SAMMSON: variants seen among roughly 807,000 people sequenced by gnomAD.
The protein encoded by SAMMSON is long intergenic non-protein coding RNA 1212.
At chr3:70,034,700 T>C (rs1258850562) in intron 3 of SAMMSON, among the ~76,000 whole-genome samples, 3 of 152,004 alleles carry the variant, frequency 2.0e-5, no homozygotes, top group Non-Finnish European at 2.9e-5. Flanking sequence ...AAAAATTAGC[T>C]GGGCATGGTA....
intron 7 of SAMMSON, among the ~76,000 whole-genome samples, chr3:70,306,229 G>A (rs765779582): frequency 9.2e-5 from 14 of 152,028 alleles, no homozygotes; most frequent in Admixed American, 7.2e-4. Context: ...TCAGACTCCC[G>A]AGTAGCTGGG....
intron 4 of SAMMSON, among the ~76,000 whole-genome samples, chr3:70,127,463 C>T: frequency 6.6e-6 from 1 of 152,140 alleles, no homozygotes; most frequent in Non-Finnish European, 1.5e-5. Flanking sequence ...AAACTCTAGG[C>T]AGACCAGGGA....
At chr3:70,401,295 T>C (rs1701138560) in intron 2 of SAMMSON, among the ~76,000 whole-genome samples, 1 of 148,786 alleles carries the variant, frequency 6.7e-6, no homozygotes, top group Non-Finnish European at 1.5e-5. Flanking sequence ...ACTCCTTTTG[T>C]AGATTAGCCA....
At chr3:70,337,282 G>T (rs1385408745) in intron 7 of SAMMSON, among the ~76,000 whole-genome samples, 3 of 150,372 alleles carry the variant, frequency 2.0e-5, no homozygotes, top group Non-Finnish European at 3.0e-5. Flanking sequence ...CTGCTCTTAG[G>T]TAGTTAATTT....
chr3:70,383,603 C>G (rs373609712), intron 9 of SAMMSON, among the ~76,000 whole-genome samples: 88 of 151,988 alleles, frequency 5.8e-4, no homozygotes, highest in Non-Finnish European at 8.4e-4. Context: ...CCTGGAGTTT[C>G]AACAGGAGAA....
At chr3:70,258,956 T>C (rs977530549) in intron 6 of SAMMSON, among the ~76,000 whole-genome samples, 2 of 152,164 alleles carry the variant, frequency 1.3e-5, no homozygotes, top group Non-Finnish European at 2.9e-5. Flanking sequence ...GAAATTTAAA[T>C]ATATATTTGA....
intron 7 of SAMMSON, among the ~76,000 whole-genome samples, chr3:70,294,807 T>G (rs953083604): frequency 9.2e-5 from 14 of 152,182 alleles, no homozygotes; most frequent in Non-Finnish European, 1.9e-4. Context: ...GTCTGGCTTC[T>G]CTTATAAGAT....
chr3:70,098,411 A>C (rs2067330727), intron 4 of SAMMSON, among the ~76,000 whole-genome samples: 1 of 151,390 alleles, frequency 6.6e-6, no homozygotes, highest in Admixed American at 6.6e-5. Context: ...TCTCTCTCCC[A>C]GGCTGGAGTG....
chr3:70,211,559 TTG>T (rs1262377519), intron 4 of SAMMSON, among the ~76,000 whole-genome samples: 276 of 20,320 alleles, frequency 0.014, 19 homozygotes, highest in East Asian at 0.03. Context: ...TCCCTTCCCT[TTG>T]CCCTTCCCTT....
intron 4 of SAMMSON, among the ~76,000 whole-genome samples, chr3:70,240,044 A>T (rs935833052): frequency 6.6e-6 from 1 of 152,122 alleles, no homozygotes; most frequent in African/African-American, 2.4e-5. Context: ...GATAGTTTTG[A>T]GTGCTTCAAT....
chr3:70,219,706 C>G (rs140697563), intron 4 of SAMMSON, among the ~76,000 whole-genome samples: 63 of 152,228 alleles, frequency 4.1e-4, no homozygotes, highest in African/African-American at 1.4e-3. Context: ...CAGTAAAATA[C>G]AGAATTGACA....
At chr3:70,198,993 C>T (rs1353601063) in intron 4 of SAMMSON, among the ~76,000 whole-genome samples, 3 of 152,182 alleles carry the variant, frequency 2.0e-5, no homozygotes, top group Non-Finnish European at 2.9e-5. Context: ...AATATGAAGA[C>T]CACTACTATA....
intron 3 of SAMMSON, among the ~76,000 whole-genome samples, chr3:70,027,231 A>G (rs888597877): frequency 3.3e-5 from 5 of 152,218 alleles, no homozygotes; most frequent in African/African-American, 1.2e-4. Flanking sequence ...ACTTTGAAGA[A>G]TGGAAATGGG....
intron 2 of SAMMSON, among the ~76,000 whole-genome samples, chr3:70,432,157 A>T (rs145682533): frequency 6.6e-6 from 1 of 151,954 alleles, no homozygotes; most frequent in South Asian, 2.1e-4. Flanking sequence ...TTACATTTCC[A>T]CCAGCAATGT....
chr3:70,404,152 T>C (rs1701161857), intron 2 of SAMMSON, among the ~76,000 whole-genome samples: 1 of 152,116 alleles, frequency 6.6e-6, no homozygotes, highest in Non-Finnish European at 1.5e-5. Context: ...AGCATGACAT[T>C]GTCATGGATA....
intron 1 of SAMMSON, among the ~76,000 whole-genome samples, chr3:70,007,476 CT>C (rs1373810043): frequency 2.6e-5 from 4 of 152,134 alleles, no homozygotes. Flanking sequence ...ATATCCTTCA[CT>C]TTTTGATGGG....
intron 7 of SAMMSON, among the ~76,000 whole-genome samples, chr3:70,351,286 A>G (rs999789630): frequency 3.3e-5 from 5 of 152,166 alleles, no homozygotes; most frequent in Non-Finnish European, 5.9e-5. Flanking sequence ...TCCAAATTTT[A>G]TGAATAAATA....
At chr3:70,319,125 C>A (rs1341561304) in intron 7 of SAMMSON, among the ~76,000 whole-genome samples, 2 of 152,032 alleles carry the variant, frequency 1.3e-5, no homozygotes, top group Non-Finnish European at 2.9e-5. Context: ...CTGTGGTGAA[C>A]CCTGTCTCTT....
intron 4 of SAMMSON, among the ~76,000 whole-genome samples, chr3:70,123,898 C>T (rs9857007): frequency 0.24 from 37,196 of 152,132 alleles, 5,065 homozygotes; most frequent in East Asian, 0.51. Context: ...TGAAATGGAG[C>T]CAGCATGTGT....
Sources: allele counts gnomAD v4.1 joint callset (sites outside exome capture counted in the v4.1 genomes callset), GRCh38; gene constraint gnomAD v4.1.1; transcripts MANE v1.5; gene names NCBI Gene and HGNC (gene_info 2026-07-23, HGNC 2026-07-21).